RFX2: variants seen among roughly 807,000 people sequenced by gnomAD.
RFX2 encodes the protein DNA-binding protein RFX2.
RFX2 carries 20 observed loss-of-function variants against 87.8 expected under a neutral mutation model. The observed-to-expected ratio is 0.23, with a 90% CI of 0.16 to 0.33. RFX2 has a LOEUF of 0.33. RFX2 is among the 10% of genes least tolerant of loss of function. The probability of loss-of-function intolerance (pLI) is 1.00; values close to 1 mark genes in which losing one functional copy is unlikely to be tolerated. For synonymous variants in RFX2, 397 were observed against 431.3 expected (o/e 0.92, Z 0.98); for missense variants, 767 against 1,012.3 (o/e 0.76, Z 3.29).
chr19:6,023,606 C>T lies in RFX2; in HGVS notation c.597+2557G>A, dbSNP rs894557888. Among the ~76,000 whole-genome samples, 4 of 152,166 alleles carry T rather than the reference C, an allele frequency of 2.6e-5. No individual in the cohort carries two copies. The highest frequency in any genetic ancestry group is 9.7e-5 in the African/African-American group (4 of 41,418). ...CAGCTCATGACAGAAGGAAACAACT[C>T]AACAGCGAATCATCAGTGAGTAAAA... is the stretch of plus-strand genomic sequence containing the variant. On this transcript the variant is annotated intron_variant, in intron 6 of 17. Transcript: ENST00000303657. The surrounding 1 kb of genome is among the most constrained non-coding windows in gnomAD (Gnocchi z 4.9).
chr19:6,080,454 C>T (rs1318112943), intron 1 of RFX2, among the ~76,000 whole-genome samples: 1 of 152,114 alleles, frequency 6.6e-6, no homozygotes, highest in South Asian at 2.1e-4. Context: ...CCTTGTCAGG[C>T]AAGAATACAC....
chr19:6,002,911 G>T lies in RFX2; in HGVS notation c.1501-41C>A. 1.3e-6 allele frequency: 2 copies of T among 1,573,586 alleles called. No homozygotes were observed. The highest frequency in any genetic ancestry group is 1.7e-6 in the Non-Finnish European group (2 of 1,165,224). ...CGTGGTGAGCAGGGGTTCGCAGGGA[G>T]AGCCTGTTCCGCTGCGCTCCTTGCA... On this transcript the variant is annotated intron_variant, in intron 13 of 17. Coordinates refer to ENST00000303657, the MANE Select transcript of RFX2 (RefSeq NM_000635.4). The surrounding 1 kb of genome is among the most constrained non-coding windows in gnomAD (Gnocchi z 6.7).
chr19:6,062,705 G>A (rs1201540973), intron 1 of RFX2, among the ~76,000 whole-genome samples: 2 of 152,232 alleles, frequency 1.3e-5, no homozygotes, highest in South Asian at 2.1e-4. Context: ...CCCGTGGGGA[G>A]TGACTGTATG....
Position 6,026,245 on chromosome 19 carries a change from A to G in RFX2, c.523-8T>C. Reference sequence around the variant, plus strand: ...TTCAATCGCCATTTCAAGCTAAAGAAAATGTGTGCAGAAACAAAACAAAAC... The same window carrying G: ...TTCAATCGCCATTTCAAGCTAAAGAGAATGTGTGCAGAAACAAAACAAAAC... On this transcript the variant is annotated splice_region_variant and splice_polypyrimidine_tract_variant and intron_variant, in intron 5 of 17. Coordinates refer to ENST00000303657, the MANE Select transcript of RFX2 (RefSeq NM_000635.4). The surrounding 1 kb of genome is among the most constrained non-coding windows in gnomAD (Gnocchi z 4.5). The G allele has an allele frequency of 6.2e-7, 1 of 1,612,348 alleles. No homozygotes were observed. Among genetic ancestry groups the G allele is most frequent in the Non-Finnish European group, 8.5e-7 (1 of 1,178,650 alleles).
chr19:6,006,359 A>C (rs1264736255), intron 12 of RFX2, among the ~76,000 whole-genome samples: 2 of 150,588 alleles, frequency 1.3e-5, no homozygotes, highest in Non-Finnish European at 3.0e-5. Context: ...GGGTCTCACT[A>C]TGTTGCCCAG....
chr19:6,036,561 C>T (rs2087027547), intron 5 of RFX2, among the ~76,000 whole-genome samples: 1 of 152,118 alleles, frequency 6.6e-6, no homozygotes, highest in Non-Finnish European at 1.5e-5. Flanking sequence ...GAGCCTTACA[C>T]CAAAATAAGA....
rs564037009 is a variant in RFX2, at chr19:6,004,981, T to C, written c.1403-683A>G. Among the ~76,000 whole-genome samples, 339 of 152,096 alleles carry C rather than the reference T, an allele frequency of 2.2e-3. 3 individuals are homozygous for C. Among genetic ancestry groups the C allele is most frequent in the Middle Eastern group, 6.8e-3 (2 of 294 alleles). The stretch of plus-strand genomic sequence containing the variant: ...TAAAAATACAAAAATGATCTGGACG[T>C]GGCGGTGGGTGCCTGTAGTCCCAGC... On this transcript the variant is annotated intron_variant, in intron 12 of 17. Coordinates refer to ENST00000303657, the MANE Select transcript of RFX2 (RefSeq NM_000635.4). This position sits in a 1 kb window ranked among gnomAD's most constrained non-coding sequence, Gnocchi z 4.8.
At chr19:6,018,911 G>A (rs2086767717) in intron 6 of RFX2, among the ~76,000 whole-genome samples, 1 of 152,186 alleles carries the variant, frequency 6.6e-6, no homozygotes, top group Admixed American at 6.5e-5. Flanking sequence ...CAATCCCTGA[G>A]CTTGGATTCC....
chr19:6,018,851 C>A (rs1037202466), intron 6 of RFX2, among the ~76,000 whole-genome samples: 6 of 152,224 alleles, frequency 3.9e-5, no homozygotes, highest in Non-Finnish European at 8.8e-5. Context: ...CAGGTAAGTC[C>A]CGTGGCCAAA....
intron 1 of RFX2, among the ~76,000 whole-genome samples, chr19:6,095,556 C>T (rs566846192): frequency 5.3e-5 from 8 of 152,012 alleles, no homozygotes; most frequent in African/African-American, 1.4e-4. Context: ...GGCAGCATCC[C>T]GTCCTGGACC....
Position 6,021,327 on chromosome 19 carries a change from G to A in RFX2, c.597+4836C>T, listed in dbSNP as rs2086807696. On this transcript the variant is annotated intron_variant, in intron 6 of 17. Coordinates refer to ENST00000303657, the MANE Select transcript of RFX2 (RefSeq NM_000635.4). The surrounding 1 kb of genome is among the most constrained non-coding windows in gnomAD (Gnocchi z 5.7). ...GCTGGGGATGCAACGGCGAATAAAA[G>A]ACAAAAACCCCTGCCCCCTGGAAGC... 6.6e-6 allele frequency among the ~76,000 whole-genome samples: 1 copy of A among 152,152 alleles called. No homozygotes were observed. The highest frequency in any genetic ancestry group is 6.5e-5 in the Admixed American group (1 of 15,280).
chr19:6,073,313 G>C, intron 1 of RFX2: 1 of 1,237,676 alleles, frequency 8.1e-7, no homozygotes, highest in Non-Finnish European at 1.2e-6. Flanking sequence ...CTGGTCATGG[G>C]AGCAACAAAA....
At position 5,994,422 on chromosome 19, in the gene RFX2, A is replaced by AG. The variant is rs1428252759; in HGVS notation, c.*412dup. ...CGTCCCTTTCTAGTCGGGCTCTGCC[A>AG]GGTTTTTTTAATTTTTAAAATCATG... On this transcript the variant is annotated 3_prime_UTR_variant, in exon 18 of 18. Transcript: ENST00000303657. The AG allele has an allele frequency of 1.3e-5, 2 of 158,744 alleles. No individual in the cohort carries two copies. The highest frequency in any genetic ancestry group is 4.8e-5 in the African/African-American group (2 of 41,664). 9.8% of individuals were successfully genotyped at this position (158,744 alleles called of 1,614,324 possible).
rs955401057 is a variant in RFX2, at chr19:6,039,540, C to G, written c.522+440G>C. On this transcript the variant is annotated intron_variant, in intron 5 of 17. Transcript: ENST00000303657. This position sits in a 1 kb window ranked among gnomAD's most constrained non-coding sequence, Gnocchi z 5.2. Reference sequence around the variant, plus strand: ...AAGCAGATAAGTCGTTATTTTGCATCGGGGCATGGCAGCGAGAACTCGGCA... The same window carrying G: ...AAGCAGATAAGTCGTTATTTTGCATGGGGGCATGGCAGCGAGAACTCGGCA... 2.0e-5 allele frequency among the ~76,000 whole-genome samples: 3 copies of G among 152,202 alleles called. No individual in the cohort carries two copies. The highest frequency in any genetic ancestry group is 7.2e-5 in the African/African-American group (3 of 41,450).
intron 9 of RFX2, among the ~76,000 whole-genome samples, chr19:6,008,675 ATTTTTTTT>A (rs1284518775): frequency 1.3e-5 from 1 of 79,274 alleles, no homozygotes; most frequent in Admixed American, 1.4e-4. Context: ...ATGCCCGGCC[ATTTTTTTT>A]TTTTTTTTTT....
At chr19:6,009,459 A>G (rs182609173) in intron 9 of RFX2, among the ~76,000 whole-genome samples, 107 of 152,344 alleles carry the variant, frequency 7.0e-4, no homozygotes, top group Admixed American at 2.3e-3. Context: ...GGAAGAGGCC[A>G]AGACTGCCTC....
At chr19:6,015,259 CT>C (rs2086709311) in intron 7 of RFX2, among the ~76,000 whole-genome samples, 1 of 152,006 alleles carries the variant, frequency 6.6e-6, no homozygotes, top group South Asian at 2.1e-4. Context: ...GAAACCCTGT[CT>C]CTACTAAAAA....
At position 6,047,362 on chromosome 19, in the gene RFX2, G is replaced by A. The variant is rs868615589; in HGVS notation, c.90+45C>T. On this transcript the variant is annotated intron_variant, in intron 2 of 17. Coordinates refer to ENST00000303657, the MANE Select transcript of RFX2 (RefSeq NM_000635.4). This position sits in a 1 kb window ranked among gnomAD's most constrained non-coding sequence, Gnocchi z 4.2. ...CAGCTTTCAAACCCATAGAGATCGC[G>A]TCCACACTGTGGCCACCCTGTTGTT... The A allele has an allele frequency of 1.4e-5, 21 of 1,488,178 alleles. No individual in the cohort carries two copies. The Middle Eastern group carries it at 8.6e-4, about 61-fold the overall frequency. 92.2% of individuals were successfully genotyped at this position (1,488,178 alleles called of 1,614,324 possible).
Position 6,024,746 on chromosome 19 carries a change from G to A in RFX2, c.597+1417C>T, listed in dbSNP as rs961599936. Among the ~76,000 whole-genome samples the A allele has an allele frequency of 2.6e-5, 4 of 151,510 alleles. No individual in the cohort carries two copies. Among genetic ancestry groups the A allele is most frequent in the Admixed American group, 2.6e-4 (4 of 15,218 alleles). ...GGACGGGAGTGAGGACGGGATCACG[G>A]TGAGGACGGGAGTGAGGACGGGATC... On this transcript the variant is annotated intron_variant, in intron 6 of 17. Transcript: ENST00000303657. The surrounding 1 kb of genome is among the most constrained non-coding windows in gnomAD (Gnocchi z 5.0).
Sources: allele counts gnomAD v4.1 joint callset (sites outside exome capture counted in the v4.1 genomes callset), GRCh38; gene constraint gnomAD v4.1.1; non-coding constraint Gnocchi (gnomAD v3.1); transcripts MANE v1.5; gene names NCBI Gene and HGNC (gene_info 2026-07-23, HGNC 2026-07-21).